Variants in GALNT17 observed in about 807,000 individuals in gnomAD.
GALNT17 encodes UDP-GalNAc:polypeptide N-acetylgalactosaminyltransferase-like 3.
GALNT17 carries 29 observed loss-of-function variants against 63.7 expected under a neutral mutation model. That is an observed-to-expected ratio of 0.46 (90% CI 0.34 to 0.62). The LOEUF is 0.62. Ranked by LOEUF, GALNT17 falls within the 20% of genes least tolerant of loss-of-function variation. GALNT17 has a pLI of 0.01. For synonymous variants in GALNT17, 305 were observed against 318.3 expected, an observed-to-expected ratio of 0.96 and a Z score of 0.45; for missense variants, 603 against 799.6, an observed-to-expected ratio of 0.75 and a Z score of 2.97.
At chr7:71,544,932 G>A (rs752232895) in intron 5 of GALNT17, among the ~76,000 whole-genome samples, 7 of 151,642 alleles carry the variant, frequency 4.6e-5, no homozygotes, top group African/African-American at 1.5e-4. Context: ...GATCAAATGC[G>A]TTAGATAAAT....
At chr7:71,401,688 G>A (rs2116389236) in intron 3 of GALNT17, among the ~76,000 whole-genome samples, 1 of 152,250 alleles carries the variant, frequency 6.6e-6, no homozygotes, top group African/African-American at 2.4e-5. Context: ...CTGCACATGT[G>A]AGGAATCTAG....
At chr7:71,486,536 A>G (rs1172309326) in intron 5 of GALNT17, among the ~76,000 whole-genome samples, 1 of 151,766 alleles carries the variant, frequency 6.6e-6, no homozygotes. Flanking sequence ...ACAGTGCTGT[A>G]GGGGCGCTGT....
intron 5 of GALNT17, among the ~76,000 whole-genome samples, chr7:71,452,106 T>C (rs1358292918): frequency 6.6e-6 from 1 of 151,864 alleles, no homozygotes; most frequent in Non-Finnish European, 1.5e-5. Flanking sequence ...AAATGATAAA[T>C]AGGGCGCACA....
intron 5 of GALNT17, among the ~76,000 whole-genome samples, chr7:71,522,138 C>G (rs1324456950): frequency 6.6e-6 from 1 of 152,170 alleles, no homozygotes; most frequent in Non-Finnish European, 1.5e-5. Flanking sequence ...ACTTTGTCTT[C>G]TCTTGGAGAA....
At position 71,351,322 on chromosome 7, in the gene GALNT17, G is replaced by A. The variant is rs541291255; in HGVS notation, c.422+15589G>A. ...GGAAGGGAGGTAGGAACCATAGCAT[G>A]TGGGATTGTGGGCAATGAATCTGGG... On this transcript the variant is annotated intron_variant, in intron 2 of 10. Coordinates refer to ENST00000333538, the MANE Select transcript of GALNT17 (RefSeq NM_022479.3). Among the ~76,000 whole-genome samples, 33 of 152,242 alleles carry A rather than the reference G, an allele frequency of 2.2e-4. 1 individual carries two copies. The highest frequency in any genetic ancestry group is 7.9e-4 in the African/African-American group (33 of 41,544).
chr7:71,186,060 A>G (rs1289752698), intron 1 of GALNT17, among the ~76,000 whole-genome samples: 4 of 152,242 alleles, frequency 2.6e-5, no homozygotes, highest in Non-Finnish European at 5.9e-5. Flanking sequence ...AGATTTGTAT[A>G]ACAGTTGTAA....
chr7:71,286,931 C>T (rs900988597), intron 1 of GALNT17, among the ~76,000 whole-genome samples: 6 of 151,792 alleles, frequency 4.0e-5, no homozygotes, highest in Admixed American at 3.9e-4. Flanking sequence ...GCTGGGACTA[C>T]AGGCGCCTGC....
At chr7:71,502,683 G>A (rs545548760) in intron 5 of GALNT17, among the ~76,000 whole-genome samples, 3 of 152,298 alleles carry the variant, frequency 2.0e-5, no homozygotes, top group East Asian at 1.9e-4. Context: ...TGTCAACCAC[G>A]GATGTGAAGA....
intron 9 of GALNT17, among the ~76,000 whole-genome samples, chr7:71,708,224 T>C (rs1791747361): frequency 6.6e-6 from 1 of 152,156 alleles, no homozygotes; most frequent in African/African-American, 2.4e-5. Flanking sequence ...GACTGGGTAA[T>C]TTATAAAGAA....
At chr7:71,695,690 G>T (rs180957244) in intron 9 of GALNT17, among the ~76,000 whole-genome samples, 42 of 152,238 alleles carry the variant, frequency 2.8e-4, no homozygotes, top group African/African-American at 9.9e-4. Context: ...CAGCTCTCAG[G>T]CAGCCACCAC....
At chr7:71,148,726 GTTATC>G (rs1197194150) in intron 1 of GALNT17, among the ~76,000 whole-genome samples, 1 of 151,762 alleles carries the variant, frequency 6.6e-6, no homozygotes, top group Non-Finnish European at 1.5e-5. Context: ...GAAATTGGGA[GTTATC>G]TTATGATCAG....
At chr7:71,620,343 G>C (rs60298147) in intron 6 of GALNT17, among the ~76,000 whole-genome samples, 1 of 152,000 alleles carries the variant, frequency 6.6e-6, no homozygotes. Context: ...TGATTTTTTG[G>C]AATAGTTTCA....
chr7:71,497,481 G>A (rs1415276373), intron 5 of GALNT17, among the ~76,000 whole-genome samples: 1 of 152,066 alleles, frequency 6.6e-6, no homozygotes, highest in Non-Finnish European at 1.5e-5. Flanking sequence ...TTCTTTTAAG[G>A]ACAGTGAGCA....
At chr7:71,233,094 C>T (rs371758937) in intron 1 of GALNT17, among the ~76,000 whole-genome samples, 18 of 152,288 alleles carry the variant, frequency 1.2e-4, no homozygotes, top group African/African-American at 3.4e-4. Flanking sequence ...TTCACCAACC[C>T]GGAAGAAAGC....
At chr7:71,557,085 G>C (rs62459956) in intron 5 of GALNT17, among the ~76,000 whole-genome samples, 1 of 148,360 alleles carries the variant, frequency 6.7e-6, no homozygotes, top group Non-Finnish European at 1.5e-5. Flanking sequence ...GAGAGATAGG[G>C]TCTCTCTATG....
intron 1 of GALNT17, among the ~76,000 whole-genome samples, chr7:71,194,541 C>T (rs1789010951): frequency 1.3e-5 from 2 of 152,004 alleles, no homozygotes; most frequent in South Asian, 4.2e-4. Context: ...AGAGATTCAC[C>T]CATGCAACGA....
chr7:71,684,972 C>CT (rs34768337), intron 9 of GALNT17, among the ~76,000 whole-genome samples: 7 of 151,116 alleles, frequency 4.6e-5, no homozygotes, highest in Non-Finnish European at 7.4e-5. Context: ...GCACCACCTG[C>CT]TTTTTTTTTA....
chr7:71,164,696 A>AGTGT (rs1339845624), intron 1 of GALNT17, among the ~76,000 whole-genome samples: 1 of 151,950 alleles, frequency 6.6e-6, no homozygotes, highest in Admixed American at 6.6e-5. Flanking sequence ...TAACCTGGTG[A>AGTGT]GTGTGTGTGT....
At chr7:71,643,132 G>A (rs1050774583) in intron 6 of GALNT17, among the ~76,000 whole-genome samples, 2 of 151,958 alleles carry the variant, frequency 1.3e-5, no homozygotes, top group African/African-American at 4.8e-5. Flanking sequence ...CCAAGCCAAT[G>A]GTTCTTTAAG....
Sources: allele counts gnomAD v4.1 joint callset (sites outside exome capture counted in the v4.1 genomes callset), GRCh38; gene constraint gnomAD v4.1.1; transcripts MANE v1.5; gene names NCBI Gene and HGNC (gene_info 2026-07-23, HGNC 2026-07-21).